Variants in IFT140 observed in about 807,000 individuals in gnomAD.
IFT140 encodes intraflagellar transport protein 140 homolog.
In IFT140, 133 loss-of-function variants were observed where a neutral mutation model predicts 164.6. The ratio of observed to expected loss-of-function variants is 0.81; its 90% CI spans 0.70 to 0.93. The LOEUF is 0.93. Ranked by LOEUF, IFT140 falls within the 40% of genes least tolerant of loss-of-function variation. IFT140 has a pLI of 0.00. For missense variants in IFT140, 2,045 were observed against 1,972.3 expected (o/e 1.04, Z -0.70); for synonymous variants, 860 against 817.3 (o/e 1.05, Z -0.89).
chr16:1,602,263 A>T (rs2035831260), intron 4 of IFT140, 107 bp downstream of exon 4: 1 of 987,586 alleles, frequency 1.0e-6, no homozygotes, highest in Admixed American at 2.1e-5. Context: ...GACAAGATCA[A>T]CTGAATTTGG....
chr16:1,611,152 G>T (rs2036305410), intron 1 of IFT140, among the ~76,000 whole-genome samples: 1 of 152,240 alleles, frequency 6.6e-6, no homozygotes, highest in African/African-American at 2.4e-5. Context: ...GTGACTGAGG[G>T]CCTGTTCCAT....
At chr16:1,521,589 T>A in intron 26 of IFT140, among the ~76,000 whole-genome samples, 1 of 150,172 alleles carries the variant, frequency 6.7e-6, no homozygotes, top group East Asian at 2.0e-4. Flanking sequence ...ACAGGGTTTC[T>A]CCCTGTTGGT....
intron 19 of IFT140, among the ~76,000 whole-genome samples, chr16:1,548,045 CTT>C (rs1186241723): frequency 1.3e-5 from 2 of 152,230 alleles, no homozygotes; most frequent in Non-Finnish European, 2.9e-5. Context: ...CCCTTCGTCT[CTT>C]CTTTCCCTTC....
At position 1,592,164 on chromosome 16, in the gene IFT140, A is replaced by G. The variant is rs747805287; in HGVS notation, c.634+12T>C. On this transcript the variant is annotated intron_variant, in intron 6 of 30. Coordinates refer to ENST00000426508, the MANE Select transcript of IFT140 (RefSeq NM_014714.4). ...GCTAGGACCCCTGAGAATCACAACC[A>G]AAGTTCCTCACCGTCCATCAGACTG... 17 of 1,613,908 alleles carry G rather than the reference A, an allele frequency of 1.1e-5. No homozygotes were observed. Among genetic ancestry groups the G allele is most frequent in the African/African-American group, 4.0e-5 (3 of 74,918 alleles).
intron 30 of IFT140, among the ~76,000 whole-genome samples, chr16:1,515,736 C>T (rs2040316229): frequency 6.6e-6 from 1 of 152,136 alleles, no homozygotes; most frequent in Non-Finnish European, 1.5e-5. Flanking sequence ...TTGAAGAATA[C>T]AGGCAAAATA....
At chr16:1,522,670 C>T (rs1781312649) in intron 26 of IFT140, among the ~76,000 whole-genome samples, 1 of 152,168 alleles carries the variant, frequency 6.6e-6, no homozygotes, top group South Asian at 2.1e-4. Flanking sequence ...GGAACCCCAT[C>T]TCTACTAAAA....
chr16:1,575,599 C>T (rs955188994), intron 13 of IFT140, among the ~76,000 whole-genome samples: 2 of 152,144 alleles, frequency 1.3e-5, no homozygotes, highest in East Asian at 1.9e-4. Context: ...AAGGACCCAA[C>T]TCCATGGCAA....
In IFT140 at chr16:1,575,302, G is replaced by C. The variant is rs977853264; in HGVS notation, c.1525-3768C>G. Among the ~76,000 whole-genome samples the C allele has an allele frequency of 2.6e-5, 4 of 152,090 alleles. No homozygotes were observed. In the Middle Eastern group the frequency reaches 9.5e-3, roughly 361 times the overall value. The stretch of plus-strand genomic sequence containing the variant: ...AGGCAGGAGGATGAATTGACCCCAG[G>C]AGTTTGAGGCTGCAGTGAGCTATGA... On this transcript the variant is annotated intron_variant, in intron 13 of 30. Coordinates refer to ENST00000426508, the MANE Select transcript of IFT140 (RefSeq NM_014714.4).
intron 26 of IFT140, 109 bp downstream of exon 26, chr16:1,523,409 C>G: frequency 8.1e-7 from 1 of 1,232,458 alleles, no homozygotes; most frequent in Non-Finnish European, 1.1e-6. Flanking sequence ...CGCAGCCTTC[C>G]TGGAGAACTC....
At chr16:1,528,341 A>G (rs559483687) in intron 19 of IFT140, among the ~76,000 whole-genome samples, 53 of 104,284 alleles carry the variant, frequency 5.1e-4, no homozygotes, top group African/African-American at 1.6e-3. Context: ...GTGTGCACAC[A>G]CACGCATGCA....
intron 14 of IFT140, among the ~76,000 whole-genome samples, chr16:1,569,035 C>T (rs1256371115): frequency 7.6e-5 from 11 of 144,672 alleles, no homozygotes; most frequent in African/African-American, 2.3e-4. Context: ...GACGGAGTCT[C>T]GCCCTGTTGC....
Position 1,555,008 on chromosome 16 carries a change from C to T in IFT140, c.2399+2927G>A, listed in dbSNP as rs199846445. The T allele has an allele frequency of 6.3e-4, 1,011 of 1,611,748 alleles. 11 individuals are homozygous for T. In the South Asian group the frequency reaches 0.01, roughly 16 times the overall value. On this transcript the variant is annotated intron_variant, in intron 19 of 30. Transcript: ENST00000426508. ...TTCGCCGTGGGCTGGACAATGACTACGTGGAGTCACCATGCTGAGTCGCCC... is the reference window on the plus strand; with the variant it reads ...TTCGCCGTGGGCTGGACAATGACTATGTGGAGTCACCATGCTGAGTCGCCC...
Position 1,533,997 on chromosome 16 carries a change from C to T in IFT140, c.2400-7201G>A. The stretch of plus-strand genomic sequence containing the variant: ...TCCCGGGAAGACGGCGCACTCCTGG[C>T]CCTGGGTTCTTGCTGCTGCCCACCC... On this transcript the variant is annotated intron_variant, in intron 19 of 30. Coordinates refer to ENST00000426508, the MANE Select transcript of IFT140 (RefSeq NM_014714.4). The surrounding 1 kb of genome is among the most constrained non-coding windows in gnomAD (Gnocchi z 4.7). 1 of 489,032 alleles carries T rather than the reference C, an allele frequency of 2.0e-6. No individual in the cohort carries two copies. Among genetic ancestry groups the T allele is most frequent in the Non-Finnish European group, 3.6e-6 (1 of 279,572 alleles). The allele number at this position is 489,032 out of a possible 1,614,324, so 30.3% of individuals were successfully genotyped here. A position where few individuals can be genotyped will look rare whatever the true frequency, so the allele number is the denominator to read the frequency against.
rs1014560638 is a variant in IFT140 at position 1,533,958 on chromosome 16, G to A, written c.2400-7162C>T. ...GGCGAGAAGAGGCACGCGCGGCACA[G>A]GCCGGCCTCCGCTTCCCGGGAAGAC... On this transcript the variant is annotated intron_variant, in intron 19 of 30. Transcript: ENST00000426508. The surrounding 1 kb of genome is among the most constrained non-coding windows in gnomAD (Gnocchi z 4.7). 4.8e-6 allele frequency: 2 copies of A among 419,030 alleles called. No individual in the cohort carries two copies. Among genetic ancestry groups the A allele is most frequent in the East Asian group, 1.0e-4 (2 of 19,448 alleles). 26.0% of individuals were successfully genotyped at this position (419,030 alleles called of 1,614,324 possible). A position where few individuals can be genotyped will look rare whatever the true frequency, so the allele number is the denominator to read the frequency against.
At position 1,554,679 on chromosome 16, in the gene IFT140, A is replaced by G. The variant is rs536091990; in HGVS notation, c.2399+3256T>C. On this transcript the variant is annotated intron_variant, in intron 19 of 30. Transcript: ENST00000426508. ...CCGCTCTAGGACAGAGGGCTGGGGA[A>G]GGATAAAGCAGGCTGGAACCTGCTC... 3.4e-6 allele frequency: 5 copies of G among 1,477,318 alleles called. No individual in the cohort carries two copies. The Admixed American group carries it at 1.0e-4, about 30-fold the overall frequency. The allele number at this position is 1,477,318 out of a possible 1,614,324, so 91.5% of individuals were successfully genotyped here. A position where few individuals can be genotyped will look rare whatever the true frequency, so the allele number is the denominator to read the frequency against.
intron 13 of IFT140, among the ~76,000 whole-genome samples, chr16:1,574,929 T>C (rs2034199967): frequency 6.6e-6 from 1 of 152,214 alleles, no homozygotes. Flanking sequence ...ACAGCAGCCA[T>C]GCATCTGCAT....
At chr16:1,608,910 C>A (rs1434248204) in intron 2 of IFT140, among the ~76,000 whole-genome samples, 1 of 151,608 alleles carries the variant, frequency 6.6e-6, no homozygotes, top group Non-Finnish European at 1.5e-5. Flanking sequence ...AATCCCAGCA[C>A]TTTGGGAGGC....
At position 1,570,616 on chromosome 16, in the gene IFT140, C is replaced by T. The variant is rs568618979; in HGVS notation, c.1652+791G>A. Among the ~76,000 whole-genome samples the T allele has an allele frequency of 5.3e-5, 8 of 152,278 alleles. No individual in the cohort carries two copies. The South Asian group carries it at 1.7e-3, about 32-fold the overall frequency. On this transcript the variant is annotated intron_variant, in intron 14 of 30. Transcript: ENST00000426508. ...GTGCAGTTCCTTCGGCCTAAGTGCT[C>T]GCCAGGGCCTCCCCTCACTCCCAGA...
intron 17 of IFT140, among the ~76,000 whole-genome samples, chr16:1,563,407 T>C (rs1453978899): frequency 4.0e-5 from 6 of 150,480 alleles, no homozygotes; most frequent in Non-Finnish European, 7.4e-5. Flanking sequence ...GAGCTGAGAT[T>C]GCACCACTGC....
Sources: allele counts gnomAD v4.1 joint callset (sites outside exome capture counted in the v4.1 genomes callset), GRCh38; gene constraint gnomAD v4.1.1; non-coding constraint Gnocchi (gnomAD v3.1); transcripts MANE v1.5; gene names NCBI Gene and HGNC (gene_info 2026-07-23, HGNC 2026-07-21).